Variants in ADGRB3 observed in about 807,000 individuals in gnomAD.
The protein encoded by ADGRB3 is brain-specific angiogenesis inhibitor 3.
In ADGRB3, 37 loss-of-function variants were observed where a neutral mutation model predicts 193.4. The observed-to-expected ratio is 0.19, with a 90% CI of 0.15 to 0.25. The LOEUF (loss-of-function observed/expected upper bound fraction) is 0.25. ADGRB3 is among the 10% of genes least tolerant of loss of function. ADGRB3 has a pLI of 1.00. For synonymous variants in ADGRB3, 690 were observed against 644.2 expected, an observed-to-expected ratio of 1.07 and a Z score of -1.08; for missense variants, 1,637 against 1,852.9, an observed-to-expected ratio of 0.88 and a Z score of 2.14.
intron 20 of ADGRB3, among the ~76,000 whole-genome samples, chr6:69,276,400 A>C (rs1303861323): frequency 6.6e-6 from 1 of 152,224 alleles, no homozygotes; most frequent in Non-Finnish European, 1.5e-5. Context: ...ACAGGAAGCA[A>C]ATAAACAACC....
intron 3 of ADGRB3, among the ~76,000 whole-genome samples, chr6:68,764,403 G>A (rs989503612): frequency 2.0e-5 from 3 of 152,166 alleles, no homozygotes; most frequent in African/African-American, 7.2e-5. Context: ...GGAAATCAAA[G>A]GAACTTAGAA....
intron 3 of ADGRB3, among the ~76,000 whole-genome samples, chr6:68,902,134 G>A (rs1766411570): frequency 6.6e-6 from 1 of 151,930 alleles, no homozygotes; most frequent in African/African-American, 2.4e-5. Flanking sequence ...TGTACCTTAT[G>A]TTTTATATAT....
intron 3 of ADGRB3, among the ~76,000 whole-genome samples, chr6:68,907,037 T>C (rs1766567865): frequency 6.6e-6 from 1 of 151,886 alleles, no homozygotes; most frequent in Non-Finnish European, 1.5e-5. Flanking sequence ...ATAATATATA[T>C]ACAAAAGGAT....
intron 11 of ADGRB3, among the ~76,000 whole-genome samples, chr6:68,996,043 C>A (rs1762020442): frequency 6.6e-6 from 1 of 152,086 alleles, no homozygotes; most frequent in Non-Finnish European, 1.5e-5. Flanking sequence ...TTTGCCATGT[C>A]CAAGGGCTCT....
chr6:68,976,995 A>G (rs1178724795), intron 10 of ADGRB3, among the ~76,000 whole-genome samples: 1 of 149,306 alleles, frequency 6.7e-6, no homozygotes, highest in Non-Finnish European at 1.5e-5. Context: ...TTATATTTAT[A>G]TATCATATAA....
At chr6:68,939,231 C>T (rs546444903) in intron 5 of ADGRB3, among the ~76,000 whole-genome samples, 5 of 152,162 alleles carry the variant, frequency 3.3e-5, no homozygotes, top group Admixed American at 6.5e-5. Flanking sequence ...TTTTTCGTCC[C>T]CATTTATGCC....
intron 18 of ADGRB3, 74 bp from the exon 19 acceptor site, chr6:69,234,958 C>G (rs1221719073): frequency 1.7e-6 from 2 of 1,196,994 alleles, no homozygotes; most frequent in African/African-American, 3.1e-5. Context: ...GATAGGTTAG[C>G]TTTGCTGAGT....
chr6:69,014,819 C>T (rs915639120), intron 12 of ADGRB3, among the ~76,000 whole-genome samples: 3 of 151,628 alleles, frequency 2.0e-5, no homozygotes, highest in African/African-American at 4.8e-5. Context: ...TTCTATTTGA[C>T]TCTTGTTAAA....
intron 15 of ADGRB3, among the ~76,000 whole-genome samples, chr6:69,051,832 C>A (rs1422045161): frequency 6.6e-6 from 1 of 152,194 alleles, no homozygotes; most frequent in Non-Finnish European, 1.5e-5. Context: ...TTTAAACTTC[C>A]CCTGCTATCG....
chr6:69,255,022 A>G (rs1415708990), intron 20 of ADGRB3, among the ~76,000 whole-genome samples: 2 of 151,324 alleles, frequency 1.3e-5, no homozygotes, highest in South Asian at 2.1e-4. Flanking sequence ...CCATGTCCCT[A>G]CAAAGGACAT....
intron 3 of ADGRB3, among the ~76,000 whole-genome samples, chr6:68,661,325 G>GTATA (rs1285732546): frequency 2.2e-5 from 2 of 89,582 alleles, no homozygotes; most frequent in Non-Finnish European, 4.6e-5. Context: ...GTGTGTGTGT[G>GTATA]TATATATATA....
chr6:68,874,089 T>C (rs939004498), intron 3 of ADGRB3, among the ~76,000 whole-genome samples: 2 of 152,104 alleles, frequency 1.3e-5, no homozygotes, highest in Non-Finnish European at 1.5e-5. Context: ...TTTTAGACTT[T>C]TAGGAATTTT....
At chr6:69,212,756 G>A (rs774002016) in intron 17 of ADGRB3, among the ~76,000 whole-genome samples, 30 of 152,180 alleles carry the variant, frequency 2.0e-4, no homozygotes, top group Non-Finnish European at 3.1e-4. Flanking sequence ...GGAATGGGTA[G>A]TGTTTGATTA....
chr6:69,018,555 A>G, intron 13 of ADGRB3, 56 bp downstream of exon 13: 1 of 1,123,722 alleles, frequency 8.9e-7, no homozygotes. Flanking sequence ...AATTGCAAGT[A>G]TCTACACCAT....
chr6:69,288,969 C>A (rs1311954674), intron 20 of ADGRB3, among the ~76,000 whole-genome samples: 3 of 152,112 alleles, frequency 2.0e-5, no homozygotes, highest in African/African-American at 7.2e-5. Flanking sequence ...ACACCCCCAA[C>A]CCTCCCCCAA....
At chr6:68,660,276 T>A (rs987084898) in intron 3 of ADGRB3, among the ~76,000 whole-genome samples, 2 of 148,494 alleles carry the variant, frequency 1.3e-5, no homozygotes, top group Non-Finnish European at 3.0e-5. Flanking sequence ...TAAAATATAT[T>A]TTAATATTAT....
intron 24 of ADGRB3, among the ~76,000 whole-genome samples, chr6:69,338,458 C>T (rs906332224): frequency 2.0e-5 from 3 of 152,164 alleles, no homozygotes; most frequent in African/African-American, 2.4e-5. Context: ...AAATCCATTT[C>T]TTCCTATGTT....
chr6:69,323,402 T>C (rs1223035692), intron 20 of ADGRB3, among the ~76,000 whole-genome samples: 1 of 151,834 alleles, frequency 6.6e-6, no homozygotes, highest in African/African-American at 2.4e-5. Flanking sequence ...TTGGAAAAAA[T>C]AAAAGTCTTA....
At chr6:69,325,929 C>T (rs1768557465) in intron 21 of ADGRB3, among the ~76,000 whole-genome samples, 2 of 152,182 alleles carry the variant, frequency 1.3e-5, no homozygotes, top group Admixed American at 1.3e-4. Context: ...GTAGGCCAGA[C>T]ATGGTGGCTC....
Sources: allele counts gnomAD v4.1 joint callset (sites outside exome capture counted in the v4.1 genomes callset), GRCh38; gene constraint gnomAD v4.1.1; transcripts MANE v1.5; gene names NCBI Gene and HGNC (gene_info 2026-07-23, HGNC 2026-07-21).